DOCK3: variants seen among roughly 807,000 people sequenced by gnomAD.
DOCK3 encodes the protein dedicator of cytokinesis 3.
Under a neutral mutation model 265.6 loss-of-function variants are expected in DOCK3, and 60 were observed. That is an observed-to-expected ratio of 0.23 (90% CI 0.18 to 0.28). DOCK3 has a LOEUF of 0.28. Ranked by LOEUF, DOCK3 falls within the 10% of genes least tolerant of loss-of-function variation. DOCK3 has a pLI of 1.00. For synonymous variants in DOCK3, 881 were observed against 938.0 expected, an observed-to-expected ratio of 0.94 and a Z score of 1.11; for missense variants, 1,981 against 2,594.3, an observed-to-expected ratio of 0.76 and a Z score of 5.14.
chr3:50,890,393 G>A (rs2048583654), intron 4 of DOCK3, among the ~76,000 whole-genome samples: 1 of 151,922 alleles, frequency 6.6e-6, no homozygotes, highest in African/African-American at 2.4e-5. Flanking sequence ...AGATAAATAT[G>A]TCATTTTGTT....
At chr3:51,224,734 C>T (rs927846447) in intron 14 of DOCK3, among the ~76,000 whole-genome samples, 1 of 151,260 alleles carries the variant, frequency 6.6e-6, no homozygotes, top group African/African-American at 2.4e-5. Context: ...CAGCGTTTTA[C>T]TATTTTTTTT....
At chr3:51,100,815 G>C (rs558159981) in intron 9 of DOCK3, among the ~76,000 whole-genome samples, 125 of 147,220 alleles carry the variant, frequency 8.5e-4, no homozygotes, top group Middle Eastern at 3.5e-3. Context: ...TTTTTTTTGA[G>C]ATAGGATCTT....
intron 5 of DOCK3, among the ~76,000 whole-genome samples, chr3:50,945,940 G>T (rs959002403): frequency 7.2e-5 from 11 of 151,874 alleles, no homozygotes; most frequent in Middle Eastern, 3.4e-3. Context: ...GATATAAAAA[G>T]TTTAGGGCCA....
At chr3:51,360,370 G>A in intron 46 of DOCK3, 141 bp from the exon 47 acceptor site, 1 of 1,121,574 alleles carries the variant, frequency 8.9e-7, no homozygotes, top group Non-Finnish European at 1.3e-6. Context: ...CCCAAAGGAA[G>A]TCAGCAGTTC....
chr3:50,933,379 G>A (rs1452749083), intron 4 of DOCK3, among the ~76,000 whole-genome samples: 1 of 152,214 alleles, frequency 6.6e-6, no homozygotes, highest in Non-Finnish European at 1.5e-5. Flanking sequence ...TATAGTGGAT[G>A]CTGCTTATGA....
intron 24 of DOCK3, among the ~76,000 whole-genome samples, chr3:51,271,626 G>A (rs1235694446): frequency 6.6e-6 from 1 of 152,184 alleles, no homozygotes; most frequent in East Asian, 1.9e-4. Flanking sequence ...AGGCCCTACA[G>A]ATCACTTGAG....
intron 3 of DOCK3, among the ~76,000 whole-genome samples, chr3:50,854,070 T>C (rs1234370886): frequency 6.6e-6 from 1 of 152,142 alleles, no homozygotes; most frequent in Non-Finnish European, 1.5e-5. Context: ...AATAGTTACA[T>C]TGAGCATTTT....
Position 51,225,550 on chromosome 3 carries a change from C to T in DOCK3, c.1253-99C>T, listed in dbSNP as rs530541944. On this transcript the variant is annotated intron_variant, in intron 14 of 52. Transcript: ENST00000266037. ...AAGCTTGGAATGCCCTGAACACCCA[C>T]CCAAGCCCCAGAAGATCCAAATGCT... 1.2e-4 allele frequency: 176 copies of T among 1,497,820 alleles called. 1 individual carries two copies. In the Admixed American group the frequency reaches 2.0e-3, roughly 17 times the overall value. 92.8% of individuals were successfully genotyped at this position (1,497,820 alleles called of 1,614,324 possible).
chr3:51,383,143 C>T lies in DOCK3; in HGVS notation c.*1584C>T, dbSNP rs982459871. The T allele has an allele frequency of 2.6e-5, 4 of 152,250 alleles. No homozygotes were observed. Among genetic ancestry groups the T allele is most frequent in the African/African-American group, 9.7e-5 (4 of 41,414 alleles). The allele number at this position is 152,250 out of a possible 1,614,324, so 9.4% of individuals were successfully genotyped here. A position where few individuals can be genotyped will look rare whatever the true frequency, so the allele number is the denominator to read the frequency against. ...GCCCCTCTTTCCAGACAGTAAAGGC[C>T]ATGGTCAGTGTGTTTTTCTCTTGTA... On this transcript the variant is annotated 3_prime_UTR_variant, in exon 53 of 53. Coordinates refer to ENST00000266037, the MANE Select transcript of DOCK3 (RefSeq NM_004947.5).
At chr3:51,242,730 T>C (rs1023468900) in intron 21 of DOCK3, among the ~76,000 whole-genome samples, 6 of 152,094 alleles carry the variant, frequency 3.9e-5, no homozygotes, top group African/African-American at 1.4e-4. Context: ...GCTGGCTGGC[T>C]CTGTGCCCAC....
At chr3:50,803,296 C>T (rs1448594041) in intron 2 of DOCK3, among the ~76,000 whole-genome samples, 1 of 152,062 alleles carries the variant, frequency 6.6e-6, no homozygotes, top group Non-Finnish European at 1.5e-5. Context: ...ATGCTGCCTT[C>T]AAGCATCTGT....
intron 2 of DOCK3, among the ~76,000 whole-genome samples, chr3:50,812,350 A>G (rs954115272): frequency 1.3e-5 from 2 of 152,096 alleles, no homozygotes; most frequent in South Asian, 2.1e-4. Flanking sequence ...TTAAAGCCCA[A>G]CTCCCATGAG....
chr3:50,783,490 A>G (rs182569563), intron 2 of DOCK3, among the ~76,000 whole-genome samples: 189 of 152,232 alleles, frequency 1.2e-3, no homozygotes, highest in Admixed American at 7.6e-3. Flanking sequence ...AAGATTCTCA[A>G]TGGACAATTC....
intron 3 of DOCK3, among the ~76,000 whole-genome samples, chr3:50,856,822 C>T (rs2046624252): frequency 6.6e-6 from 1 of 152,006 alleles, no homozygotes; most frequent in Admixed American, 6.6e-5. Flanking sequence ...GTGGGTTTGT[C>T]ATCTATGGCT....
chr3:51,292,321 C>T (rs185900240), intron 27 of DOCK3, among the ~76,000 whole-genome samples: 1 of 152,206 alleles, frequency 6.6e-6, no homozygotes, highest in Admixed American at 6.5e-5. Context: ...GTAGAATTGT[C>T]TCTGTTTGCC....
chr3:51,010,702 T>A (rs550552820), intron 5 of DOCK3, among the ~76,000 whole-genome samples: 1 of 152,334 alleles, frequency 6.6e-6, no homozygotes, highest in Non-Finnish European at 1.5e-5. Flanking sequence ...TTGATGCAGT[T>A]TCCTCCTAGC....
chr3:50,995,352 T>C (rs964311798), intron 5 of DOCK3, among the ~76,000 whole-genome samples: 3 of 152,228 alleles, frequency 2.0e-5, no homozygotes, highest in African/African-American at 7.2e-5. Context: ...ACAAAGTCTA[T>C]TTAATATTTA....
At chr3:51,132,033 C>A (rs2084578646) in intron 9 of DOCK3, among the ~76,000 whole-genome samples, 1 of 152,184 alleles carries the variant, frequency 6.6e-6, no homozygotes, top group Admixed American at 6.5e-5. Context: ...TTCCACCATC[C>A]CAATCTCCCT....
In DOCK3 at chr3:51,084,608, AT is replaced by A. The variant is rs376822150; in HGVS notation, c.550-4634del. 8.5e-4 allele frequency among the ~76,000 whole-genome samples: 130 copies of A among 152,352 alleles called. 1 individual carries two copies. The South Asian group carries it at 0.027, about 31-fold the overall frequency. Reference sequence around the variant, plus strand: ...CAAGAAATGTTTCAGGGATTTCTGTATCTGGAAGCGAAAGGACAATGTCTAC... The same window carrying A: ...CAAGAAATGTTTCAGGGATTTCTGTACTGGAAGCGAAAGGACAATGTCTAC... On this transcript the variant is annotated intron_variant, in intron 7 of 52. Coordinates refer to ENST00000266037, the MANE Select transcript of DOCK3 (RefSeq NM_004947.5).
Sources: allele counts gnomAD v4.1 joint callset (sites outside exome capture counted in the v4.1 genomes callset), GRCh38; gene constraint gnomAD v4.1.1; transcripts MANE v1.5; gene names NCBI Gene and HGNC (gene_info 2026-07-23, HGNC 2026-07-21).